Variants in CRIM1 observed in about 807,000 individuals in gnomAD.
CRIM1 encodes the protein cysteine-rich motor neuron 1 protein.
Under a neutral mutation model 116.4 loss-of-function variants are expected in CRIM1, and 32 were observed. That is an observed-to-expected ratio of 0.27 (90% CI 0.21 to 0.37). The LOEUF (loss-of-function observed/expected upper bound fraction) is 0.37, where lower values mean the gene tolerates loss of function less well. Ranked by LOEUF, CRIM1 falls within the 10% of genes least tolerant of loss-of-function variation. The pLI is 1.00. For synonymous variants in CRIM1, 590 were observed against 509.2 expected (o/e 1.16, Z -2.13); for missense variants, 1,331 against 1,354.8 (o/e 0.98, Z 0.28).
chr2:36,488,258 C>T (rs1389809660), intron 7 of CRIM1, among the ~76,000 whole-genome samples: 1 of 152,186 alleles, frequency 6.6e-6, no homozygotes, highest in Non-Finnish European at 1.5e-5. Context: ...ATTTTAAAAT[C>T]GTAGGACAGG....
chr2:36,538,595 G>A (rs1315920598), intron 14 of CRIM1, among the ~76,000 whole-genome samples: 1 of 152,186 alleles, frequency 6.6e-6, no homozygotes, highest in Non-Finnish European at 1.5e-5. Context: ...AGTGAGCTCT[G>A]CACATGTTGG....
At chr2:36,399,853 G>A (rs1672288896) in intron 2 of CRIM1, among the ~76,000 whole-genome samples, 1 of 152,172 alleles carries the variant, frequency 6.6e-6, no homozygotes, top group Non-Finnish European at 1.5e-5. Context: ...AAATCAAAGA[G>A]AAAGAGGAAA....
intron 1 of CRIM1, among the ~76,000 whole-genome samples, chr2:36,372,782 A>C (rs1670026337): frequency 2.0e-5 from 3 of 152,198 alleles, no homozygotes; most frequent in Admixed American, 2.0e-4. Flanking sequence ...AGCCCACTTC[A>C]GATCCTTTTA....
At chr2:36,500,174 A>G (rs1461739218) in intron 8 of CRIM1, among the ~76,000 whole-genome samples, 1 of 151,242 alleles carries the variant, frequency 6.6e-6, no homozygotes, top group Non-Finnish European at 1.5e-5. Flanking sequence ...CCAAAAATAC[A>G]AAAAAAAATA....
rs1679029880 is a variant in CRIM1 at position 36,476,987 on chromosome 2, G to A, written c.1090G>A (p.Ala364Thr). 1 of 1,614,026 alleles carries A rather than the reference G, an allele frequency of 6.2e-7. No homozygotes were observed. Among genetic ancestry groups the A allele is most frequent in the Non-Finnish European group, 8.5e-7 (1 of 1,179,976 alleles). ...CRFCRCQGGV[A>T]ICFTAQCGEI... ...GTTCTGTCGATGCCAAGGGGGCGTT[G>A]CCATCTGCTTCACCGCCCAGTGTGG... Residue 364 changes from alanine (A) to threonine (T), a missense_variant, in exon 6 of 17, where the codon GCC becomes ACC. Around this residue, in one of 3 missense-constraint regions of CRIM1, gnomAD observed 690 missense variants for 676.0 expected, o/e 1.02. Coordinates refer to ENST00000280527, the MANE Select transcript of CRIM1 (RefSeq NM_016441.3).
chr2:36,504,902 C>G (rs1471663981), intron 8 of CRIM1, among the ~76,000 whole-genome samples: 1 of 152,178 alleles, frequency 6.6e-6, no homozygotes, highest in Non-Finnish European at 1.5e-5. Flanking sequence ...TTTGTAAGTT[C>G]TCTTCCAATT....
At chr2:36,366,539 A>G (rs953081774) in intron 1 of CRIM1, among the ~76,000 whole-genome samples, 2 of 147,586 alleles carry the variant, frequency 1.4e-5, no homozygotes, top group African/African-American at 5.0e-5. Context: ...TGGAAAGATT[A>G]AAAAAAAAAG....
intron 1 of CRIM1, among the ~76,000 whole-genome samples, chr2:36,377,890 T>C (rs1265504099): frequency 6.6e-6 from 1 of 152,196 alleles, no homozygotes; most frequent in East Asian, 1.9e-4. Flanking sequence ...CCAAACTCTA[T>C]GTTGATAACT....
chr2:36,356,213 C>T lies in CRIM1; in HGVS notation c.-80C>T, dbSNP rs887188296. On this transcript the variant is annotated 5_prime_UTR_variant, in exon 1 of 17. Coordinates refer to ENST00000280527, the MANE Select transcript of CRIM1 (RefSeq NM_016441.3). The surrounding 1 kb of genome is among the most constrained non-coding windows in gnomAD (Gnocchi z 4.3). ...CGGGCTGCTGGTGCGGCGGCGGCGG[C>T]GCGTGTGCCCCGCGCAGGGGAGGGC... The T allele has an allele frequency of 3.5e-5, 23 of 656,156 alleles. No individual in the cohort carries two copies. The highest frequency in any genetic ancestry group is 1.5e-4 in the African/African-American group (8 of 52,084). 40.6% of individuals were successfully genotyped at this position (656,156 alleles called of 1,614,324 possible). A position where few individuals can be genotyped will look rare whatever the true frequency, so the allele number is the denominator to read the frequency against.
intron 2 of CRIM1, among the ~76,000 whole-genome samples, chr2:36,440,766 A>G (rs1472022499): frequency 1.3e-5 from 2 of 152,244 alleles, no homozygotes; most frequent in South Asian, 2.1e-4. Context: ...AATACCATTG[A>G]TAACTCAGAG....
At chr2:36,361,070 C>G (rs116327724) in intron 1 of CRIM1, among the ~76,000 whole-genome samples, 2 of 152,174 alleles carry the variant, frequency 1.3e-5, no homozygotes, top group Non-Finnish European at 2.9e-5. Context: ...GAGAGACCAA[C>G]TATTCACTGC....
At chr2:36,452,845 G>A (rs950739021) in intron 4 of CRIM1, among the ~76,000 whole-genome samples, 6 of 152,056 alleles carry the variant, frequency 3.9e-5, no homozygotes, top group African/African-American at 7.2e-5. Context: ...CCTCCGAGTC[G>A]GACTGAGAGA....
At chr2:36,481,938 A>G (rs142940730) in intron 7 of CRIM1, among the ~76,000 whole-genome samples, 3 of 152,288 alleles carry the variant, frequency 2.0e-5, no homozygotes, top group East Asian at 3.9e-4. Context: ...ATCATTTTGC[A>G]GTTTGAAAAC....
At chr2:36,495,825 T>TC (rs1680546193) in intron 7 of CRIM1, among the ~76,000 whole-genome samples, 1 of 152,170 alleles carries the variant, frequency 6.6e-6, no homozygotes, top group Non-Finnish European at 1.5e-5. Flanking sequence ...AAGCAAACTC[T>TC]CAAATATGTT....
chr2:36,521,570 G>A (rs1665392965), intron 12 of CRIM1, among the ~76,000 whole-genome samples: 1 of 152,192 alleles, frequency 6.6e-6, no homozygotes, highest in Non-Finnish European at 1.5e-5. Context: ...TTTCTCTTCT[G>A]ATAGGGGTGT....
At position 36,502,253 on chromosome 2, in the gene CRIM1, G is replaced by A. The variant is rs543455949; in HGVS notation, c.1501+2906G>A. ...CAGTTTCCCTCAACTGCCTTTGAAGGAAGAGTCAAAATATGTCCCTTGGCA... is the reference window on the plus strand; with the variant it reads ...CAGTTTCCCTCAACTGCCTTTGAAGAAAGAGTCAAAATATGTCCCTTGGCA... On this transcript the variant is annotated intron_variant, in intron 8 of 16. Transcript: ENST00000280527. Among the ~76,000 whole-genome samples, 4 of 152,280 alleles carry A rather than the reference G, an allele frequency of 2.6e-5. No individual in the cohort carries two copies. The East Asian group carries it at 7.7e-4, about 29-fold the overall frequency.
chr2:36,464,685 G>C, intron 5 of CRIM1, 30 bp downstream of exon 5: 1 of 1,609,552 alleles, frequency 6.2e-7, no homozygotes, highest in Non-Finnish European at 8.5e-7. Context: ...TTCTCAGAGA[G>C]TGTACATTTG....
intron 7 of CRIM1, among the ~76,000 whole-genome samples, chr2:36,498,044 TG>T (rs1680725084): frequency 6.6e-6 from 1 of 152,220 alleles, no homozygotes; most frequent in Non-Finnish European, 1.5e-5. Context: ...ATTTTCCATC[TG>T]CGAAAATGTA....
chr2:36,504,288 A>G (rs752300979), intron 8 of CRIM1, among the ~76,000 whole-genome samples: 4 of 152,158 alleles, frequency 2.6e-5, no homozygotes, highest in Non-Finnish European at 5.9e-5. Context: ...TTGAGTGCCT[A>G]CTATATCCTA....
Sources: allele counts gnomAD v4.1 joint callset (sites outside exome capture counted in the v4.1 genomes callset), GRCh38; gene constraint gnomAD v4.1.1; regional missense constraint gnomAD v4.1.1; non-coding constraint Gnocchi (gnomAD v3.1); transcripts MANE v1.5; gene names NCBI Gene and HGNC (gene_info 2026-07-23, HGNC 2026-07-21).